The following THSD4 variants were observed in gnomAD, a reference collection of about 807,000 sequenced individuals.
The protein encoded by THSD4 is thrombospondin type 1 domain containing 4.
In THSD4, 69 loss-of-function variants were observed where a neutral mutation model predicts 119.0. The observed-to-expected ratio is 0.58, with a 90% CI of 0.48 to 0.71. The LOEUF is 0.71. THSD4 is among the 30% of genes least tolerant of loss of function. THSD4 has a pLI of 0.00. For missense variants in THSD4, 1,393 were observed against 1,391.1 expected (o/e 1.00, Z -0.02); for synonymous variants, 524 against 540.4 (o/e 0.97, Z 0.42).
intron 2 of THSD4, among the ~76,000 whole-genome samples, chr15:71,152,430 A>G (rs548360605): frequency 6.6e-6 from 1 of 152,006 alleles, no homozygotes; most frequent in Non-Finnish European, 1.5e-5. Flanking sequence ...TCCAAAAAAA[A>G]AAAAATAAAA....
chr15:71,270,207 AAGGCTAC>A (rs1232120708), intron 6 of THSD4, among the ~76,000 whole-genome samples: 1 of 152,342 alleles, frequency 6.6e-6, no homozygotes, highest in Admixed American at 6.5e-5. Context: ...ACTATACTAC[AAGGCTAC>A]AGTAACCAAA....
chr15:71,389,788 A>G (rs933391240), intron 6 of THSD4, among the ~76,000 whole-genome samples: 3 of 129,582 alleles, frequency 2.3e-5, no homozygotes, highest in Non-Finnish European at 3.4e-5. Flanking sequence ...CATCCTTGCC[A>G]ACACTTGCTA....
At chr15:71,126,962 G>A (rs1029357367) in intron 1 of THSD4, among the ~76,000 whole-genome samples, 1 of 152,092 alleles carries the variant, frequency 6.6e-6, no homozygotes, top group Non-Finnish European at 1.5e-5. Context: ...TTTACTCTTA[G>A]GAAGTTTGAA....
At chr15:71,685,170 G>C (rs2051881031) in intron 8 of THSD4, among the ~76,000 whole-genome samples, 1 of 150,024 alleles carries the variant, frequency 6.7e-6, no homozygotes, top group African/African-American at 2.5e-5. Flanking sequence ...ACATACTTCT[G>C]TTTTATGATT....
intron 6 of THSD4, among the ~76,000 whole-genome samples, chr15:71,266,849 A>G (rs1403901787): frequency 6.6e-6 from 1 of 151,990 alleles, no homozygotes; most frequent in Non-Finnish European, 1.5e-5. Context: ...ATCAAGCAGA[A>G]GAAAGGATGT....
intron 7 of THSD4, among the ~76,000 whole-genome samples, chr15:71,588,421 AT>A (rs1248757072): frequency 6.6e-6 from 1 of 150,762 alleles, no homozygotes; most frequent in Admixed American, 6.6e-5. Flanking sequence ...ATTTTTTTTA[AT>A]TTATTTATTT....
At chr15:71,111,539 T>A (rs1168177754), upstream of THSD4, 34 of 742,760 alleles carry the variant, frequency 4.6e-5, no homozygotes, top group South Asian at 6.4e-4. Flanking sequence ...TCTCAAAGTG[T>A]TTTGTTTTGT....
At chr15:71,743,598 C>T (rs2053277367) in intron 11 of THSD4, among the ~76,000 whole-genome samples, 1 of 152,196 alleles carries the variant, frequency 6.6e-6, no homozygotes, top group African/African-American at 2.4e-5. Context: ...ACTTTACAGT[C>T]AGTACTGCCT....
chr15:71,509,065 A>C (rs566314295), intron 7 of THSD4, among the ~76,000 whole-genome samples: 1 of 152,052 alleles, frequency 6.6e-6, no homozygotes, highest in East Asian at 1.9e-4. Context: ...GCAGTCCTCC[A>C]TGGGTTTACT....
chr15:71,338,015 TAGAAA>T (rs2045510784), intron 6 of THSD4, among the ~76,000 whole-genome samples: 1 of 152,188 alleles, frequency 6.6e-6, no homozygotes, highest in African/African-American at 2.4e-5. Context: ...TTGTTGTACC[TAGAAA>T]AGAATTGTGC....
intron 6 of THSD4, among the ~76,000 whole-genome samples, chr15:71,371,413 G>C (rs2046045540): frequency 6.6e-6 from 1 of 152,176 alleles, no homozygotes. Context: ...GCAGTGGCTG[G>C]TGCTGGTTGT....
rs1177688549 is a variant in THSD4 at position 71,670,519 on chromosome 15, T to G, written c.1357+9785T>G. On this transcript the variant is annotated intron_variant, in intron 8 of 17. Transcript: ENST00000261862. ...TTTTACATATATGTATATATATACT[T>G]TAAGTTCTAGGGTACATGTGCACAA... Among the ~76,000 whole-genome samples, 4 of 151,898 alleles carry G rather than the reference T, an allele frequency of 2.6e-5. No individual in the cohort carries two copies. In the East Asian group the frequency reaches 7.8e-4, roughly 30 times the overall value.
intron 7 of THSD4, among the ~76,000 whole-genome samples, chr15:71,494,411 C>A (rs934960919): frequency 1.3e-5 from 2 of 152,222 alleles, no homozygotes; most frequent in Admixed American, 6.5e-5. Flanking sequence ...TGTGTCTCAA[C>A]AAAAGCAAGC....
intron 8 of THSD4, among the ~76,000 whole-genome samples, chr15:71,710,769 T>C (rs1453660829): frequency 1.3e-5 from 2 of 152,190 alleles, no homozygotes; most frequent in African/African-American, 4.8e-5. Context: ...AATATATTTT[T>C]ACAATTTCAT....
chr15:71,450,184 G>A (rs1187101573), intron 7 of THSD4, among the ~76,000 whole-genome samples: 1 of 152,186 alleles, frequency 6.6e-6, no homozygotes, highest in Admixed American at 6.5e-5. Context: ...TGCGCCTTGA[G>A]TCATTGTAGT....
rs371174009 is a variant in THSD4, at chr15:71,256,685, C to T, written c.985C>T (p.Arg329Trp). ...ASYNNKPFMG[R>W]FYEWEPFAEV... ...CTACAACAACAAGCCATTCATGGGC[C>T]GGTTTTATGAGTGGGAACCATTTGC... The change falls in exon 6 of 18, where the codon CGG becomes TGG. Residue 329 changes from arginine to tryptophan, a missense_variant. Transcript: ENST00000261862. 1.3e-5 allele frequency: 21 copies of T among 1,613,680 alleles called. No homozygotes were observed. The highest frequency in any genetic ancestry group is 5.3e-5 in the African/African-American group (4 of 74,848).
chr15:71,740,614 T>A (rs16956136), intron 11 of THSD4, among the ~76,000 whole-genome samples: 5,147 of 152,266 alleles, frequency 0.034, 296 homozygotes, highest in African/African-American at 0.12. Flanking sequence ...GTCTCTCTAA[T>A]GGAGCAAACT....
intron 7 of THSD4, among the ~76,000 whole-genome samples, chr15:71,465,183 T>C (rs1243134722): frequency 1.3e-5 from 2 of 152,222 alleles, no homozygotes; most frequent in African/African-American, 4.8e-5. Context: ...TATTAATCTG[T>C]TCTTGCATTT....
At chr15:71,453,452 G>A (rs1014519598) in intron 7 of THSD4, among the ~76,000 whole-genome samples, 2 of 152,170 alleles carry the variant, frequency 1.3e-5, no homozygotes, top group Non-Finnish European at 2.9e-5. Context: ...GGGCCATGGA[G>A]CAACACGGTG....
Sources: allele counts gnomAD v4.1 joint callset (sites outside exome capture counted in the v4.1 genomes callset), GRCh38; gene constraint gnomAD v4.1.1; transcripts MANE v1.5; gene names NCBI Gene and HGNC (gene_info 2026-07-23, HGNC 2026-07-21).